The following MOSMO variants were observed in gnomAD, a reference collection of about 807,000 sequenced individuals.
The protein encoded by MOSMO is modulator of smoothened.
A neutral mutation model predicts 18.4 loss-of-function variants in MOSMO; 5 were observed. The observed-to-expected ratio is 0.27, with a 90% CI of 0.14 to 0.57. MOSMO has a LOEUF of 0.57. MOSMO is among the 20% of genes least tolerant of loss of function. MOSMO has a pLI of 0.92. For synonymous variants in MOSMO, 82 were observed against 82.3 expected, an observed-to-expected ratio of 1.00 and a Z score of 0.02; for missense variants, 138 against 211.8, an observed-to-expected ratio of 0.65 and a Z score of 2.16.
At chr16:22,033,315 G>GA (rs1900034695) in intron 1 of MOSMO, among the ~76,000 whole-genome samples, 1 of 152,116 alleles carries the variant, frequency 6.6e-6, no homozygotes, top group Admixed American at 6.5e-5. Context: ...CTATGAGTAT[G>GA]AAATGTCTTT....
chr16:22,050,592 C>CA (rs1270838205), intron 1 of MOSMO, among the ~76,000 whole-genome samples: 2 of 152,046 alleles, frequency 1.3e-5, no homozygotes, highest in Non-Finnish European at 2.9e-5. Flanking sequence ...TTATTTGGTC[C>CA]AAAATGTTAG....
chr16:22,088,900 A>C (rs1901238179), downstream of MOSMO, among the ~76,000 whole-genome samples: 1 of 152,126 alleles, frequency 6.6e-6, no homozygotes, highest in Admixed American at 6.6e-5. Flanking sequence ...TCCTTGGCTC[A>C]AACATGAGCA....
chr16:22,075,972 T>A, intron 2 of MOSMO: 1 of 343,806 alleles, frequency 2.9e-6, no homozygotes, highest in Non-Finnish European at 5.6e-6. Flanking sequence ...TCCAGGTTTG[T>A]GACTCAGAGT....
intron 1 of MOSMO, among the ~76,000 whole-genome samples, chr16:22,067,291 C>T (rs1900765219): frequency 6.6e-6 from 1 of 151,782 alleles, no homozygotes. Context: ...GAAAAAGGAG[C>T]GGAAAGAATG....
In MOSMO at chr16:22,043,928, C is replaced by T. The variant is rs779231601; in HGVS notation, c.107-31559C>T. ...GAGGTTTAATGGACTCACAGTTCCA[C>T]GTGACTGGGGAGGCCTCACAATCAT... On this transcript the variant is annotated intron_variant, in intron 1 of 2. Transcript: ENST00000542527. 2.6e-5 allele frequency among the ~76,000 whole-genome samples: 4 copies of T among 152,258 alleles called. No individual in the cohort carries two copies. In the East Asian group the frequency reaches 5.8e-4, roughly 22 times the overall value.
At chr16:22,025,576 A>G (rs1415093303) in intron 1 of MOSMO, among the ~76,000 whole-genome samples, 1 of 152,202 alleles carries the variant, frequency 6.6e-6, no homozygotes, top group East Asian at 1.9e-4. Flanking sequence ...CTAACTGTAC[A>G]TCAAATTAAT....
chr16:22,087,652 A>C (rs1397019816), downstream of MOSMO: 2 of 152,202 alleles, frequency 1.3e-5, no homozygotes, highest in Admixed American at 6.5e-5. Context: ...AAGGCTTTTG[A>C]CTACCTCATC....
At chr16:22,080,119 G>T (rs1217524903) in intron 2 of MOSMO, among the ~76,000 whole-genome samples, 2 of 152,156 alleles carry the variant, frequency 1.3e-5, no homozygotes, top group Non-Finnish European at 2.9e-5. Context: ...TAAGATAAGT[G>T]ATGCTTATTT....
rs1297609146 is a variant in MOSMO at position 22,008,255 on chromosome 16, C to T, written c.-47C>T. 6.8e-6 allele frequency: 9 copies of T among 1,319,608 alleles called. No individual in the cohort carries two copies. In the East Asian group the frequency reaches 2.3e-4, roughly 34 times the overall value. The allele number at this position is 1,319,608 out of a possible 1,614,324, so 81.7% of individuals were successfully genotyped here. ...GGCCCATGGGGCGGGAGGCGTGAGGCCGCTGCCTGTCCGGGGCTCGGGGGG... is the reference window on the plus strand; with the variant it reads ...GGCCCATGGGGCGGGAGGCGTGAGGTCGCTGCCTGTCCGGGGCTCGGGGGG... On this transcript the variant is annotated 5_prime_UTR_variant, in exon 1 of 3. Coordinates refer to ENST00000542527, the MANE Select transcript of MOSMO (RefSeq NM_001164579.2).
chr16:22,083,354 G>A lies in MOSMO; in HGVS notation c.*2474G>A, dbSNP rs77381911. 552 of 191,070 alleles carry A rather than the reference G, an allele frequency of 2.9e-3. 3 individuals are homozygous for A. The highest frequency in any genetic ancestry group is 0.012 in the African/African-American group (518 of 41,710). The allele number at this position is 191,070 out of a possible 1,614,324, so 11.8% of individuals were successfully genotyped here. On this transcript the variant is annotated 3_prime_UTR_variant, in exon 3 of 3. Transcript: ENST00000542527. ...TGTCTTGGAGGTCCAGTGCATACAG[G>A]GCTGATGGGGGAAAACTCCCTCTAG...
chr16:22,091,487 G>A (rs960152812), downstream of MOSMO, among the ~76,000 whole-genome samples: 2 of 152,148 alleles, frequency 1.3e-5, no homozygotes, highest in African/African-American at 4.8e-5. Flanking sequence ...GGGCTCAAGC[G>A]ATCCTCCCAC....
chr16:22,030,767 G>A (rs1227330376), intron 1 of MOSMO, among the ~76,000 whole-genome samples: 1 of 152,162 alleles, frequency 6.6e-6, no homozygotes, highest in Non-Finnish European at 1.5e-5. Flanking sequence ...GGCTTCAAGT[G>A]ATATGCCCAC....
intron 1 of MOSMO, among the ~76,000 whole-genome samples, chr16:22,055,251 C>G (rs1218088720): frequency 6.6e-6 from 1 of 152,146 alleles, no homozygotes; most frequent in African/African-American, 2.4e-5. Flanking sequence ...CCTTCTGCTT[C>G]TGTGTGTGTG....
At chr16:22,033,379 T>G (rs1348248948) in intron 1 of MOSMO, among the ~76,000 whole-genome samples, 1 of 152,054 alleles carries the variant, frequency 6.6e-6, no homozygotes, top group Non-Finnish European at 1.5e-5. Context: ...AGTGTACAAG[T>G]CTTGTACTTT....
intron 1 of MOSMO, among the ~76,000 whole-genome samples, chr16:22,057,935 G>C (rs1900568091): frequency 6.6e-6 from 1 of 152,112 alleles, no homozygotes; most frequent in African/African-American, 2.4e-5. Context: ...GCTTTTAGGA[G>C]CTGAAGAAAA....
chr16:22,035,725 T>C (rs1900095347), intron 1 of MOSMO, among the ~76,000 whole-genome samples: 1 of 152,230 alleles, frequency 6.6e-6, no homozygotes, highest in South Asian at 2.1e-4. Context: ...TTTATACTGA[T>C]TTTGTTCAGC....
At chr16:22,057,322 C>T (rs557276321) in intron 1 of MOSMO, among the ~76,000 whole-genome samples, 1 of 152,184 alleles carries the variant, frequency 6.6e-6, no homozygotes, top group Non-Finnish European at 1.5e-5. Context: ...GCTGCATCCT[C>T]CTGAGGGAGG....
chr16:22,050,462 C>G (rs749549735), intron 1 of MOSMO, among the ~76,000 whole-genome samples: 4 of 152,136 alleles, frequency 2.6e-5, no homozygotes, highest in Admixed American at 6.5e-5. Flanking sequence ...GACAATGTCT[C>G]AAGACATGTT....
intron 1 of MOSMO, among the ~76,000 whole-genome samples, chr16:22,026,658 A>C (rs545478884): frequency 7.2e-5 from 11 of 152,358 alleles, no homozygotes; most frequent in Non-Finnish European, 1.2e-4. Context: ...AGCGGAAATG[A>C]GTATTACTTT....
Sources: gnomAD v4.1 joint callset for allele counts (sites outside exome capture counted in the v4.1 genomes callset) on GRCh38, gnomAD v4.1.1 for gene constraint, MANE v1.5 for transcripts, NCBI Gene and HGNC (gene_info 2026-07-23, HGNC 2026-07-21) for gene names.